Variants in PPP1R3A observed in about 807,000 individuals in gnomAD.
The protein encoded by PPP1R3A is RG1.
A neutral mutation model predicts 41.7 loss-of-function variants in PPP1R3A; 29 were observed. That is an observed-to-expected ratio of 0.70 (90% CI 0.52 to 0.95). The LOEUF (loss-of-function observed/expected upper bound fraction) is 0.95, where lower values mean the gene tolerates loss of function less well. PPP1R3A is among the 40% of genes least tolerant of loss of function. The pLI, the probability that PPP1R3A is intolerant of heterozygous loss-of-function variation, is 0.00. For missense variants in PPP1R3A, 1,352 were observed against 1,292.4 expected, an observed-to-expected ratio of 1.05 and a Z score of -0.71; for synonymous variants, 485 against 453.4, an observed-to-expected ratio of 1.07 and a Z score of -0.89.
intron 1 of PPP1R3A, among the ~76,000 whole-genome samples, chr7:113,892,826 T>A (rs1177208799): frequency 6.6e-6 from 1 of 152,070 alleles, no homozygotes; most frequent in East Asian, 1.9e-4. Context: ...AGTGAGAATT[T>A]AAAAAATGTC....
chr7:113,891,732 A>C (rs571889397), intron 1 of PPP1R3A, among the ~76,000 whole-genome samples: 1 of 152,188 alleles, frequency 6.6e-6, no homozygotes, highest in South Asian at 2.1e-4. Flanking sequence ...AATTATAATT[A>C]ATTTTAACAC....
chr7:113,889,019 G>A (rs1327102837), intron 1 of PPP1R3A, among the ~76,000 whole-genome samples: 1 of 152,116 alleles, frequency 6.6e-6, no homozygotes, highest in Non-Finnish European at 1.5e-5. Flanking sequence ...AAAACTTCAG[G>A]CCCTACCTCT....
intron 1 of PPP1R3A, among the ~76,000 whole-genome samples, chr7:113,916,190 T>G (rs942528151): frequency 6.6e-6 from 1 of 152,018 alleles, no homozygotes; most frequent in African/African-American, 2.4e-5. Flanking sequence ...GAAAATGTAT[T>G]TGTGGTTTTG....
rs752816755 is a variant in PPP1R3A at position 113,882,209 on chromosome 7, T to C, written c.842-46A>G. ...TGCCTATGTAAGATTGTTTTAATTG[T>C]AGACTTTCACAAAAGAGACAAATTT... On this transcript the variant is annotated intron_variant, in intron 2 of 3. Coordinates refer to ENST00000284601, the MANE Select transcript of PPP1R3A (RefSeq NM_002711.4). 6.3e-6 allele frequency: 10 copies of C among 1,596,066 alleles called. No homozygotes were observed. In the Admixed American group the frequency reaches 1.0e-4, roughly 16 times the overall value.
At chr7:113,907,342 A>ACTGTT (rs142059237) in intron 1 of PPP1R3A, among the ~76,000 whole-genome samples, 266 of 151,882 alleles carry the variant, frequency 1.8e-3, no homozygotes, top group African/African-American at 6.1e-3. Flanking sequence ...AATATCCTTT[A>ACTGTT]CTGTTCACAA....
chr7:113,906,295 T>C lies in PPP1R3A; in HGVS notation c.782+11920A>G, dbSNP rs142557563. On this transcript the variant is annotated intron_variant, in intron 1 of 3. Coordinates refer to ENST00000284601, the MANE Select transcript of PPP1R3A (RefSeq NM_002711.4). ...ATCTGTTGTTTTTAACATATGTAAA[T>C]ATAGTCTTTGTATATCCTATTGCAT... Among the ~76,000 whole-genome samples the C allele has an allele frequency of 2.9e-3, 436 of 151,962 alleles. 2 individuals are homozygous for C. Among genetic ancestry groups the C allele is most frequent in the African/African-American group, 0.01 (416 of 41,538 alleles).
chr7:113,916,206 G>A (rs1797340306), intron 1 of PPP1R3A, among the ~76,000 whole-genome samples: 1 of 151,974 alleles, frequency 6.6e-6, no homozygotes, highest in African/African-American at 2.4e-5. Context: ...TTTTGAGGGA[G>A]AGAGATTTTT....
chr7:113,902,120 TTC>T (rs1476366717), intron 1 of PPP1R3A, among the ~76,000 whole-genome samples: 1 of 151,768 alleles, frequency 6.6e-6, no homozygotes, highest in East Asian at 1.9e-4. Context: ...CCTGTTCCTC[TTC>T]TCTCTTTGTG....
chr7:113,889,172 C>T (rs1796836414), intron 1 of PPP1R3A, among the ~76,000 whole-genome samples: 1 of 152,150 alleles, frequency 6.6e-6, no homozygotes, highest in Admixed American at 6.5e-5. Context: ...ATCTCACTGC[C>T]CCACTGGATT....
chr7:113,917,426 C>T (rs543587318), intron 1 of PPP1R3A, among the ~76,000 whole-genome samples: 3 of 151,944 alleles, frequency 2.0e-5, no homozygotes, highest in African/African-American at 4.8e-5. Context: ...CAGCTGAATG[C>T]CAGTTTTTCT....
At chr7:113,892,395 T>A (rs1315283714) in intron 1 of PPP1R3A, among the ~76,000 whole-genome samples, 1 of 152,086 alleles carries the variant, frequency 6.6e-6, no homozygotes. Context: ...AATGTTATGT[T>A]GCAGCTTCTC....
At chr7:113,908,714 T>G (rs1269432322) in intron 1 of PPP1R3A, among the ~76,000 whole-genome samples, 3 of 151,972 alleles carry the variant, frequency 2.0e-5, no homozygotes, top group African/African-American at 4.8e-5. Flanking sequence ...GTAGCACTAT[T>G]CACAATAGCA....
chr7:113,894,597 C>A (rs1562921994), intron 1 of PPP1R3A, among the ~76,000 whole-genome samples: 1 of 151,856 alleles, frequency 6.6e-6, no homozygotes, highest in East Asian at 1.9e-4. Flanking sequence ...CTACAGCCTT[C>A]AAAAATAATC....
At chr7:113,885,047 G>A (rs946171129) in intron 1 of PPP1R3A, among the ~76,000 whole-genome samples, 2 of 152,066 alleles carry the variant, frequency 1.3e-5, no homozygotes, top group African/African-American at 4.8e-5. Flanking sequence ...GATGGTTGAA[G>A]CTGCAGGCTT....
intron 1 of PPP1R3A, among the ~76,000 whole-genome samples, chr7:113,892,942 T>A (rs1796917732): frequency 6.6e-6 from 1 of 152,046 alleles, no homozygotes. Flanking sequence ...GGCATCACAT[T>A]TCTTATGTGT....
rs141843407 is a variant in PPP1R3A at position 113,905,283 on chromosome 7, G to A, written c.782+12932C>T. On this transcript the variant is annotated intron_variant, in intron 1 of 3. Coordinates refer to ENST00000284601, the MANE Select transcript of PPP1R3A (RefSeq NM_002711.4). ...TATTATAATTTTAAGAGTTATGAGT[G>A]TTATAATATGCCTGATAGTACTATT... Among the ~76,000 whole-genome samples the A allele has an allele frequency of 2.0e-5, 3 of 151,732 alleles. No individual in the cohort carries two copies. The East Asian group carries it at 5.9e-4, about 30-fold the overall frequency.
At chr7:113,881,650 C>T (rs992947512) in intron 3 of PPP1R3A, among the ~76,000 whole-genome samples, 7 of 151,982 alleles carry the variant, frequency 4.6e-5, no homozygotes, top group Admixed American at 3.9e-4. Flanking sequence ...GAATCATAGA[C>T]TTCTAGAGTA....
chr7:113,894,591 A>G (rs900855486), intron 1 of PPP1R3A, among the ~76,000 whole-genome samples: 3 of 151,972 alleles, frequency 2.0e-5, no homozygotes, highest in Admixed American at 2.0e-4. Flanking sequence ...TACTACCTAC[A>G]GCCTTCAAAA....
chr7:113,902,125 T>C (rs2129118623), intron 1 of PPP1R3A, among the ~76,000 whole-genome samples: 1 of 151,902 alleles, frequency 6.6e-6, no homozygotes, highest in Admixed American at 6.6e-5. Flanking sequence ...TCCTCTTCTC[T>C]CTTTGTGTGT....
Sources: gnomAD v4.1 joint callset for allele counts (sites outside exome capture counted in the v4.1 genomes callset) on GRCh38, gnomAD v4.1.1 for gene constraint, MANE v1.5 for transcripts, NCBI Gene and HGNC (gene_info 2026-07-23, HGNC 2026-07-21) for gene names.